Variants in PLEKHA5 observed in about 807,000 individuals in gnomAD.
The protein encoded by PLEKHA5 is pleckstrin homology domain-containing family A member 5.
Under a neutral mutation model 181.9 loss-of-function variants are expected in PLEKHA5, and 55 were observed. The observed-to-expected ratio is 0.30, with a 90% CI of 0.24 to 0.38. The LOEUF is 0.38. Ranked by LOEUF, PLEKHA5 falls within the 10% of genes least tolerant of loss-of-function variation. The pLI is 1.00. For synonymous variants in PLEKHA5, 535 were observed against 529.4 expected (o/e 1.01, Z -0.15); for missense variants, 1,432 against 1,549.5 (o/e 0.92, Z 1.27).
rs571858713 is a variant in PLEKHA5, at chr12:19,315,549, A to C, written c.2118+655A>C. Among the ~76,000 whole-genome samples, 10 of 152,284 alleles carry C rather than the reference A, an allele frequency of 6.6e-5. 1 individual carries two copies. The highest frequency in any genetic ancestry group is 3.9e-4 in the East Asian group (2 of 5,194). ...GAACCTTAGTAATCTGCAGATCTGCAAAAGAAGTCATATGTTTCTATCAAA... is the reference window on the plus strand; with the variant it reads ...GAACCTTAGTAATCTGCAGATCTGCCAAAGAAGTCATATGTTTCTATCAAA... On this transcript the variant is annotated intron_variant, in intron 16 of 31. Transcript: ENST00000429027.
chr12:19,197,786 CCA>C (rs1555103198), intron 3 of PLEKHA5, among the ~76,000 whole-genome samples: 12 of 150,616 alleles, frequency 8.0e-5, no homozygotes, highest in South Asian at 4.2e-4. Flanking sequence ...TGCCAGTCAG[CCA>C]TAAATCTTCA....
chr12:19,298,327 G>A (rs536339408), intron 15 of PLEKHA5, among the ~76,000 whole-genome samples: 1 of 151,110 alleles, frequency 6.6e-6, no homozygotes, highest in South Asian at 2.1e-4. Flanking sequence ...TTTAATATGT[G>A]TCTCTTAAAT....
chr12:19,224,555 A>AT (rs1478952446), intron 3 of PLEKHA5, among the ~76,000 whole-genome samples: 7 of 152,240 alleles, frequency 4.6e-5, no homozygotes, highest in Admixed American at 3.9e-4. Context: ...CATATGAAAA[A>AT]TTTTTTTAAA....
rs191895516 is a variant in PLEKHA5 at position 19,267,187 on chromosome 12, G to A, written c.711+1337G>A. Among the ~76,000 whole-genome samples, 15 of 152,252 alleles carry A rather than the reference G, an allele frequency of 9.9e-5. No homozygotes were observed. In the East Asian group the frequency reaches 2.7e-3, roughly 27 times the overall value. ...ACCTAGTTTTTCAGTCTGTTTTAGAGTAAGGAACTATAAGGTTCTTGCAGA... is the reference window on the plus strand; with the variant it reads ...ACCTAGTTTTTCAGTCTGTTTTAGAATAAGGAACTATAAGGTTCTTGCAGA... On this transcript the variant is annotated intron_variant, in intron 8 of 31. Transcript: ENST00000429027.
intron 11 of PLEKHA5, among the ~76,000 whole-genome samples, chr12:19,277,737 A>G (rs991406193): frequency 5.3e-5 from 8 of 152,166 alleles, no homozygotes; most frequent in African/African-American, 1.7e-4. Context: ...ATCATTTTTT[A>G]AAAAGCTTTA....
chr12:19,332,724 C>T (rs139157329), intron 20 of PLEKHA5, among the ~76,000 whole-genome samples: 54 of 152,278 alleles, frequency 3.5e-4, no homozygotes, highest in African/African-American at 1.2e-3. Context: ...AGTACAATGG[C>T]ACAATCTCAG....
chr12:19,366,921 C>CT lies in PLEKHA5; in HGVS notation c.3754+821dup, dbSNP rs544388823. Reference sequence around the variant, plus strand: ...TTTTTGGACTCTTCACAAATCTTTTCTTTTTTTTTCCTGGAGGCAGAGTAC... The same window carrying CT: ...TTTTTGGACTCTTCACAAATCTTTTCTTTTTTTTTTCCTGGAGGCAGAGTAC... On this transcript the variant is annotated intron_variant, in intron 30 of 31. Transcript: ENST00000429027. Among the ~76,000 whole-genome samples, 465 of 151,490 alleles carry CT rather than the reference C, an allele frequency of 3.1e-3. 2 individuals carry two copies. Among genetic ancestry groups the CT allele is most frequent in the Non-Finnish European group, 4.5e-3 (306 of 67,828 alleles).
intron 3 of PLEKHA5, among the ~76,000 whole-genome samples, chr12:19,168,072 T>A (rs1319426813): frequency 6.6e-6 from 1 of 152,152 alleles, no homozygotes; most frequent in African/African-American, 2.4e-5. Flanking sequence ...TTTGTTCCTA[T>A]CCCCATCCTG....
intron 30 of PLEKHA5, among the ~76,000 whole-genome samples, chr12:19,366,928 T>C (rs2095438513): frequency 6.6e-6 from 1 of 152,202 alleles, no homozygotes; most frequent in Non-Finnish European, 1.5e-5. Context: ...TTTCTTTTTT[T>C]TTCCTGGAGG....
chr12:19,305,054 G>T (rs1430435392), intron 15 of PLEKHA5, among the ~76,000 whole-genome samples: 3 of 152,100 alleles, frequency 2.0e-5, no homozygotes, highest in African/African-American at 7.2e-5. Flanking sequence ...GAGGATATTT[G>T]TACAGCACCT....
At chr12:19,350,452 T>C (rs1158226262) in intron 25 of PLEKHA5, among the ~76,000 whole-genome samples, 1 of 152,158 alleles carries the variant, frequency 6.6e-6, no homozygotes, top group Non-Finnish European at 1.5e-5. Context: ...TGCTAAAGGA[T>C]CACTAAGTAA....
At chr12:19,287,673 T>C (rs929253743) in intron 13 of PLEKHA5, 117 bp downstream of exon 13, 1 of 658,532 alleles carries the variant, frequency 1.5e-6, no homozygotes, top group Non-Finnish European at 2.7e-6. Flanking sequence ...GAAAAAACAT[T>C]ACTGCTTTTG....
At chr12:19,195,771 T>TATATATATATCTC (rs1458793348) in intron 3 of PLEKHA5, among the ~76,000 whole-genome samples, 5 of 151,140 alleles carry the variant, frequency 3.3e-5, no homozygotes, top group Non-Finnish European at 5.9e-5. Context: ...ATCTATGAGA[T>TATATATATATCTC]ATATATATAT....
chr12:19,239,372 A>G (rs2062026356), intron 3 of PLEKHA5, among the ~76,000 whole-genome samples: 1 of 151,968 alleles, frequency 6.6e-6, no homozygotes, highest in African/African-American at 2.4e-5. Context: ...GTTATTGCCC[A>G]CTCTGCTCAC....
At chr12:19,152,712 A>G (rs2040720462) in intron 3 of PLEKHA5, 1 of 152,204 alleles carries the variant, frequency 6.6e-6, no homozygotes, top group African/African-American at 2.4e-5. Flanking sequence ...CATAAGGGAA[A>G]ATAAGATGAA....
chr12:19,295,245 T>C (rs2079463526), intron 15 of PLEKHA5, among the ~76,000 whole-genome samples: 1 of 152,242 alleles, frequency 6.6e-6, no homozygotes, highest in African/African-American at 2.4e-5. Context: ...TTGCTGAATA[T>C]TGGAGACACT....
At position 19,303,029 on chromosome 12, in the gene PLEKHA5, C is replaced by A. The variant is rs2082051728; in HGVS notation, c.2037+11332C>A. Among the ~76,000 whole-genome samples the A allele has an allele frequency of 2.2e-5, 3 of 137,340 alleles. No individual in the cohort carries two copies. In the Admixed American group the frequency reaches 2.5e-4, roughly 12 times the overall value. 90.1% of individuals were successfully genotyped at this position (137,340 alleles called of 152,430 possible). On this transcript the variant is annotated intron_variant, in intron 15 of 31. Transcript: ENST00000429027. ...CTCCATTTCCCGGGTTCAACTGATTCTCCTGTCTCAGCCTCCTGAGTGAGT... is the reference window on the plus strand; with the variant it reads ...CTCCATTTCCCGGGTTCAACTGATTATCCTGTCTCAGCCTCCTGAGTGAGT...
intron 15 of PLEKHA5, among the ~76,000 whole-genome samples, chr12:19,309,796 T>A (rs565050352): frequency 6.6e-6 from 1 of 152,094 alleles, no homozygotes; most frequent in Non-Finnish European, 1.5e-5. Flanking sequence ...ACATTTGTGT[T>A]ACTGCAGTAG....
rs145556274 is a variant in PLEKHA5, at chr12:19,349,005, A to T, written c.3019+486A>T. Among the ~76,000 whole-genome samples, 725 of 152,272 alleles carry T rather than the reference A, an allele frequency of 4.8e-3. 2 individuals are homozygous for T. Among genetic ancestry groups the T allele is most frequent in the Non-Finnish European group, 7.2e-3 (487 of 68,024 alleles). On this transcript the variant is annotated intron_variant, in intron 25 of 31. Transcript: ENST00000429027. ...CATCACATCAGATTAGGTTTTACTA[A>T]GAAATAAGTTTATGTCAAACTTTAA...
Sources: allele counts gnomAD v4.1 joint callset (sites outside exome capture counted in the v4.1 genomes callset), GRCh38; gene constraint gnomAD v4.1.1; transcripts MANE v1.5; gene names NCBI Gene and HGNC (gene_info 2026-07-23, HGNC 2026-07-21).